The following SYBU variants were observed in gnomAD, a reference collection of about 807,000 sequenced individuals.
SYBU encodes GOLSYN A protein.
A neutral mutation model predicts 35.9 loss-of-function variants in SYBU; 21 were observed. The ratio of observed to expected loss-of-function variants is 0.58; its 90% CI spans 0.41 to 0.84. SYBU has a LOEUF of 0.84. Among genes scored for constraint, SYBU ranks in the 40% least tolerant of loss-of-function variants. SYBU has a pLI of 0.00. For synonymous variants in SYBU, 319 were observed against 324.3 expected (o/e 0.98, Z 0.18); for missense variants, 768 against 848.2 (o/e 0.91, Z 1.17).
intron 1 of SYBU, among the ~76,000 whole-genome samples, chr8:109,665,934 A>T (rs1816736788): frequency 6.6e-6 from 1 of 152,172 alleles, no homozygotes; most frequent in South Asian, 2.1e-4. Context: ...GAATCCACTA[A>T]GGCCATTTTG....
chr8:109,615,481 G>A (rs185371173), intron 3 of SYBU, among the ~76,000 whole-genome samples: 1 of 152,178 alleles, frequency 6.6e-6, no homozygotes, highest in African/African-American at 2.4e-5. Context: ...TCTGCTAAAA[G>A]TTCAGAGAAC....
At chr8:109,617,691 C>T (rs982372243) in intron 3 of SYBU, among the ~76,000 whole-genome samples, 5 of 152,194 alleles carry the variant, frequency 3.3e-5, no homozygotes, top group African/African-American at 1.2e-4. Flanking sequence ...CATTGTGTAG[C>T]ATTCCTTTTC....
At chr8:109,640,755 G>A (rs1182665632) in intron 2 of SYBU, among the ~76,000 whole-genome samples, 1 of 145,254 alleles carries the variant, frequency 6.9e-6, no homozygotes, top group Non-Finnish European at 1.5e-5. Flanking sequence ...ATTTTGATAG[G>A]GTTTTTTTTT....
intron 3 of SYBU, among the ~76,000 whole-genome samples, chr8:109,595,232 T>C (rs1824731439): frequency 6.6e-6 from 1 of 152,108 alleles, no homozygotes; most frequent in African/African-American, 2.4e-5. Flanking sequence ...CAAGAAAGGA[T>C]TCAAAACAAG....
chr8:109,619,455 G>A (rs1019719239), intron 2 of SYBU, among the ~76,000 whole-genome samples: 14 of 152,032 alleles, frequency 9.2e-5, no homozygotes, highest in African/African-American at 3.4e-4. Context: ...TCAAACTCCT[G>A]GCCTCAAGCG....
chr8:109,618,715 A>G, intron 3 of SYBU, 127 bp downstream of exon 3: 1 of 882,030 alleles, frequency 1.1e-6, no homozygotes, highest in Admixed American at 2.1e-5. Context: ...CTCCTTTAAA[A>G]ATGATGCTTT....
At chr8:109,645,251 A>G (rs889686157), upstream of SYBU, 3 of 456,462 alleles carry the variant, frequency 6.6e-6, no homozygotes, top group African/African-American at 4.0e-5. Flanking sequence ...GCTCCCCACA[A>G]CTGCCTCGCC....
At chr8:109,662,691 T>C (rs927556243) in intron 1 of SYBU, among the ~76,000 whole-genome samples, 8 of 152,234 alleles carry the variant, frequency 5.3e-5, no homozygotes, top group African/African-American at 1.9e-4. Context: ...GGACATAATG[T>C]AAACCATGCC....
At chr8:109,595,068 TA>T (rs1325984022) in intron 3 of SYBU, among the ~76,000 whole-genome samples, 1 of 152,168 alleles carries the variant, frequency 6.6e-6, no homozygotes, top group Non-Finnish European at 1.5e-5. Flanking sequence ...TGGCACTCAG[TA>T]AGCACTTTAA....
intron 1 of SYBU, among the ~76,000 whole-genome samples, chr8:109,659,322 G>A (rs968998155): frequency 3.9e-5 from 6 of 152,146 alleles, no homozygotes; most frequent in African/African-American, 1.4e-4. Flanking sequence ...CAATGTGTAG[G>A]CAATATCAAA....
chr8:109,645,628 T>TGTTG (rs199665646), upstream of SYBU: 11 of 277,178 alleles, frequency 4.0e-5, no homozygotes, highest in East Asian at 9.5e-4. Flanking sequence ...GTTGTTTCGT[T>TGTTG]TTTTGTTTTT....
Position 109,591,211 on chromosome 8 carries a change from A to G in SYBU, c.428-5049T>C, listed in dbSNP as rs528983239. ...AAACACCTGTTACTAGATGAGAAAA[A>G]CAAGATGCAGAAAAGTGGGTATGGC... On this transcript the variant is annotated intron_variant, in intron 3 of 6. Transcript: ENST00000276646. Among the ~76,000 whole-genome samples the G allele has an allele frequency of 9.8e-5, 15 of 152,286 alleles. No individual in the cohort carries two copies. The South Asian group carries it at 2.5e-3, about 25-fold the overall frequency.
At chr8:109,579,614 A>G (rs1053747855) in intron 5 of SYBU, among the ~76,000 whole-genome samples, 185 bp downstream of exon 5, 2 of 152,146 alleles carry the variant, frequency 1.3e-5, no homozygotes, top group Non-Finnish European at 2.9e-5. Context: ...CTTGTTAGAA[A>G]TTGTGGCTTG....
chr8:109,655,418 A>G (rs1221992459), intron 1 of SYBU, among the ~76,000 whole-genome samples: 1 of 152,258 alleles, frequency 6.6e-6, no homozygotes, highest in East Asian at 1.9e-4. Context: ...GGCTTGTAAC[A>G]TGAGTTGAAT....
rs1011220395 is a variant in SYBU at position 109,600,614 on chromosome 8, T to C, written c.428-14452A>G. Among the ~76,000 whole-genome samples, 5 of 152,256 alleles carry C rather than the reference T, an allele frequency of 3.3e-5. No homozygotes were observed. The South Asian group carries it at 1.0e-3, about 32-fold the overall frequency. On this transcript the variant is annotated intron_variant, in intron 3 of 6. Transcript: ENST00000276646. ...ACTGGAAAGGATGGGAGGTAGAAGATTGGAAATGGGCAAAAACTCTGCAGG... is the reference window on the plus strand; with the variant it reads ...ACTGGAAAGGATGGGAGGTAGAAGACTGGAAATGGGCAAAAACTCTGCAGG...
At position 109,644,624 on chromosome 8, in the gene SYBU, C is replaced by A. The variant is rs781215735; in HGVS notation, c.24+12G>T. 65 of 1,543,892 alleles carry A rather than the reference C, an allele frequency of 4.2e-5. No homozygotes were observed. The highest frequency in any genetic ancestry group is 5.5e-5 in the Non-Finnish European group (63 of 1,151,368). On this transcript the variant is annotated intron_variant, in intron 1 of 6. Coordinates refer to ENST00000276646, the MANE Select transcript of SYBU (RefSeq NM_001099754.2). ...CCGCCCTCCAGTGCCCGCACTGCCC[C>A]GCGCTCCTTACCTTGCTCTCGCGGA...
chr8:109,667,241 C>T (rs767764103), intron 1 of SYBU, among the ~76,000 whole-genome samples: 4 of 151,934 alleles, frequency 2.6e-5, no homozygotes, highest in South Asian at 4.2e-4. Flanking sequence ...CTCAGCCTCC[C>T]GAGTAGCTGG....
Position 109,574,888 on chromosome 8 carries a change from G to T in SYBU, c.*18C>A. 6.6e-7 allele frequency: 1 copy of T among 1,510,380 alleles called. No homozygotes were observed. Among genetic ancestry groups the T allele is most frequent in the South Asian group, 1.4e-5 (1 of 73,598 alleles). The allele number at this position is 1,510,380 out of a possible 1,614,324, so 93.6% of individuals were successfully genotyped here. A position where few individuals can be genotyped will look rare whatever the true frequency, so the allele number is the denominator to read the frequency against. On this transcript the variant is annotated 3_prime_UTR_variant, in exon 7 of 7. Coordinates refer to ENST00000276646, the MANE Select transcript of SYBU (RefSeq NM_001099754.2). ...ACCCACATGGGACACATTGGCACAC[G>T]GTAACAACAACTTCTATTTAGGTTT...
At chr8:109,592,858 A>C (rs1214581128) in intron 3 of SYBU, among the ~76,000 whole-genome samples, 1 of 152,166 alleles carries the variant, frequency 6.6e-6, no homozygotes, top group Non-Finnish European at 1.5e-5. Flanking sequence ...ATTTAGCAAA[A>C]AGTTATTGAG....
Sources: allele counts gnomAD v4.1 joint callset (sites outside exome capture counted in the v4.1 genomes callset), GRCh38; gene constraint gnomAD v4.1.1; transcripts MANE v1.5; gene names NCBI Gene and HGNC (gene_info 2026-07-23, HGNC 2026-07-21).